The following ARFGAP1 variants were observed in gnomAD, a reference collection of about 807,000 sequenced individuals.
The protein encoded by ARFGAP1 is ADP-ribosylation factor GTPase-activating protein 1.
A neutral mutation model predicts 54.0 loss-of-function variants in ARFGAP1; 26 were observed. That is an observed-to-expected ratio of 0.48 (90% CI 0.35 to 0.67). The LOEUF (loss-of-function observed/expected upper bound fraction) is 0.67. Among genes scored for constraint, ARFGAP1 ranks in the 30% least tolerant of loss-of-function variants. The pLI is 0.00. For synonymous variants in ARFGAP1, 248 were observed against 211.9 expected, an observed-to-expected ratio of 1.17 and a Z score of -1.48; for missense variants, 525 against 535.8, an observed-to-expected ratio of 0.98 and a Z score of 0.20.
intron 7 of ARFGAP1, among the ~76,000 whole-genome samples, chr20:63,280,702 T>G (rs2067357848): frequency 6.6e-6 from 1 of 152,236 alleles, no homozygotes; most frequent in Non-Finnish European, 1.5e-5. Flanking sequence ...TTCATTTTTG[T>G]GGCCCTTCCT....
Position 63,275,600 on chromosome 20 carries a change from G to A in ARFGAP1, c.20G>A (p.Arg7Lys). 6.2e-7 allele frequency: 1 copy of A among 1,613,920 alleles called. No homozygotes were observed. The highest frequency in any genetic ancestry group is 8.5e-7 in the Non-Finnish European group (1 of 1,180,006). Residue 7 changes from arginine to lysine, a missense_variant, in exon 2 of 13, where the codon AGG becomes AAG. Arg to Lys is a conservative substitution (Grantham distance 26, BLOSUM62 2). This residue lies in a region of ARFGAP1 where 39 missense variants were observed against 40.4 expected (regional missense o/e 0.97). Transcript: ENST00000370283. ...AGCATCATGGCCAGCCCAAGAACCA[G>A]GAAGGTTCTTAAAGAAGTCAGGGTG... is the stretch of plus-strand genomic sequence containing the variant. MASPRTRKVLKEVRVQD... is the reference protein window; with the variant it reads MASPRTKKVLKEVRVQD...
In ARFGAP1 at chr20:63,276,835, C is replaced by A; in HGVS notation, c.342+184C>A. 1 of 654,530 alleles carries A rather than the reference C, an allele frequency of 1.5e-6. No homozygotes were observed. The allele number at this position is 654,530 out of a possible 1,614,324, so 40.5% of individuals were successfully genotyped here. A position where few individuals can be genotyped will look rare whatever the true frequency, so the allele number is the denominator to read the frequency against. ...TCCTGCCCAGAGGGGAGGCAAATGG[C>A]TTGCGGGGGGAGACAGACCTTCCCC... On this transcript the variant is annotated intron_variant, in intron 4 of 12. Coordinates refer to ENST00000370283, the MANE Select transcript of ARFGAP1 (RefSeq NM_018209.4). The surrounding 1 kb of genome is among the most constrained non-coding windows in gnomAD (Gnocchi z 5.2).
intron 9 of ARFGAP1, chr20:63,284,128 C>T (rs774100202): frequency 1.2e-4 from 167 of 1,350,018 alleles, no homozygotes; most frequent in Non-Finnish European, 1.5e-4. Flanking sequence ...ATGAGACCCC[C>T]ATCTCCAAAA....
Position 63,278,026 on chromosome 20 carries a change from C to T in ARFGAP1, c.444-91C>T, listed in dbSNP as rs560695261. The T allele has an allele frequency of 7.5e-6, 9 of 1,198,372 alleles. No individual in the cohort carries two copies. The South Asian group carries it at 9.8e-5, about 13-fold the overall frequency. The allele number at this position is 1,198,372 out of a possible 1,614,324, so 74.2% of individuals were successfully genotyped here. The stretch of plus-strand genomic sequence containing the variant: ...TCAGGGGTGACGTGAAGGCACTGCC[C>T]ACGTAGGCCACATGGTTCTGGGGGT... On this transcript the variant is annotated intron_variant, in intron 5 of 12. Coordinates refer to ENST00000370283, the MANE Select transcript of ARFGAP1 (RefSeq NM_018209.4).
chr20:63,283,211 GC>G, intron 9 of ARFGAP1: 2 of 381,288 alleles, frequency 5.2e-6, no homozygotes, highest in Admixed American at 4.2e-5. Flanking sequence ...TTGGTGCTGT[GC>G]CTGCGGCACA....
At chr20:63,277,135 G>A (rs2123223836) in intron 4 of ARFGAP1, 70 bp from the exon 5 acceptor site, 1 of 1,387,096 alleles carries the variant, frequency 7.2e-7, no homozygotes, top group East Asian at 2.4e-5. Context: ...GGGGTGCGCT[G>A]GAGTCGACGG....
chr20:63,281,185 C>T, intron 7 of ARFGAP1, 106 bp from the exon 8 acceptor site: 1 of 1,262,216 alleles, frequency 7.9e-7, no homozygotes, highest in Non-Finnish European at 1.1e-6. Flanking sequence ...GGACGGGGGC[C>T]TGGGGCAGCC....
At chr20:63,283,813 T>G (rs369920493) in intron 9 of ARFGAP1, 26 of 1,611,962 alleles carry the variant, frequency 1.6e-5, no homozygotes, top group Non-Finnish European at 2.2e-5. Context: ...CCCCTCACCT[T>G]GCTCTCTCCT....
Position 63,276,409 on chromosome 20 carries a change from A to G in ARFGAP1, c.171-71A>G. The G allele has an allele frequency of 6.4e-7, 1 of 1,552,062 alleles. No homozygotes were observed. The highest frequency in any genetic ancestry group is 1.4e-5 in the African/African-American group (1 of 73,596). On this transcript the variant is annotated intron_variant, in intron 3 of 12. Transcript: ENST00000370283. The surrounding 1 kb of genome is among the most constrained non-coding windows in gnomAD (Gnocchi z 5.2). ...CTGCTTGCTGTGTCTAATTCTCAGG[A>G]CGATGCTGGGTGGAGGGTGTCCCTG... is the stretch of plus-strand genomic sequence containing the variant.
At position 63,283,831 on chromosome 20, in the gene ARFGAP1, C is replaced by G. The variant is rs374062449; in HGVS notation, c.717+980C>G. ...CTCACCTTGCTCTCTCCTCACCTGT[C>G]TTCTTGCTGTCGGGTAAAGTTTTGG... On this transcript the variant is annotated intron_variant, in intron 9 of 12. Transcript: ENST00000370283. 25 of 1,613,528 alleles carry G rather than the reference C, an allele frequency of 1.5e-5. No individual in the cohort carries two copies. The African/African-American group carries it at 3.1e-4, about 20-fold the overall frequency.
chr20:63,284,847 G>A lies in ARFGAP1; in HGVS notation c.718-19G>A, dbSNP rs552463853. The A allele has an allele frequency of 8.0e-5, 129 of 1,612,074 alleles. No individual in the cohort carries two copies. The East Asian group carries it at 9.4e-4, about 12-fold the overall frequency. On this transcript the variant is annotated intron_variant, in intron 9 of 12. Coordinates refer to ENST00000370283, the MANE Select transcript of ARFGAP1 (RefSeq NM_018209.4). ...GTGGTGGAGCTGTCGTGGGGCTCAC[G>A]TGACTTCCCTTCCTACAGGCGTCCG...
Position 63,288,640 on chromosome 20 carries a change from G to A in ARFGAP1, c.*767G>A, listed in dbSNP as rs1198107504. ...CCTCGGCCCTGATGCAGGAGGGTGC[G>A]ATAGCGGACGTGGCCAGGCAGGAGG... is the stretch of plus-strand genomic sequence containing the variant. On this transcript the variant is annotated 3_prime_UTR_variant, in exon 13 of 13. Coordinates refer to ENST00000370283, the MANE Select transcript of ARFGAP1 (RefSeq NM_018209.4). 5 of 396,834 alleles carry A rather than the reference G, an allele frequency of 1.3e-5. No individual in the cohort carries two copies. Among genetic ancestry groups the A allele is most frequent in the East Asian group, 1.5e-4 (2 of 13,770 alleles). The allele number at this position is 396,834 out of a possible 1,614,324, so 24.6% of individuals were successfully genotyped here. A position where few individuals can be genotyped will look rare whatever the true frequency, so the allele number is the denominator to read the frequency against.
rs376296883 is a variant in ARFGAP1, at chr20:63,277,671, G to A, written c.443+366G>A. On this transcript the variant is annotated intron_variant, in intron 5 of 12. Coordinates refer to ENST00000370283, the MANE Select transcript of ARFGAP1 (RefSeq NM_018209.4). ...GCCCTGGCACCCTTGAACTGACCCC[G>A]TCATGGATGCGTCCCACATCCCACT... 1.7e-4 allele frequency among the ~76,000 whole-genome samples: 26 copies of A among 152,240 alleles called. 1 individual carries two copies. In the South Asian group the frequency reaches 4.2e-3, roughly 24 times the overall value.
chr20:63,287,944 C>T lies in ARFGAP1; in HGVS notation c.*71C>T. 2 of 1,420,834 alleles carry T rather than the reference C, an allele frequency of 1.4e-6. No individual in the cohort carries two copies. The highest frequency in any genetic ancestry group is 1.4e-5 in the South Asian group (1 of 70,790). 88.0% of individuals were successfully genotyped at this position (1,420,834 alleles called of 1,614,324 possible). A position where few individuals can be genotyped will look rare whatever the true frequency, so the allele number is the denominator to read the frequency against. On this transcript the variant is annotated 3_prime_UTR_variant, in exon 13 of 13. Coordinates refer to ENST00000370283, the MANE Select transcript of ARFGAP1 (RefSeq NM_018209.4). ...TTGCACTCTGCCCTCGTCGTTCCTC[C>T]TCCTTCCATTTGACCCAAGAATCAG...
intron 9 of ARFGAP1, chr20:63,284,200 G>T: frequency 7.8e-7 from 1 of 1,277,564 alleles, no homozygotes; most frequent in East Asian, 3.4e-5. Flanking sequence ...CGGGGGCACT[G>T]GGCGCAGAGC....
intron 6 of ARFGAP1, chr20:63,278,538 A>G (rs1421211886): frequency 4.4e-6 from 2 of 458,100 alleles, no homozygotes. Flanking sequence ...TTGGGTGTAG[A>G]GAAGCGCTAA....
intron 9 of ARFGAP1, chr20:63,283,194 G>T (rs1407031618): frequency 4.7e-6 from 2 of 423,208 alleles, no homozygotes; most frequent in Admixed American, 3.9e-5. Context: ...CAGAAGGGCC[G>T]CTGTGGTTGG....
rs1045685045 is a variant in ARFGAP1 at position 63,276,062 on chromosome 20, C to T, written c.61-29C>T. The T allele has an allele frequency of 1.2e-6, 2 of 1,602,828 alleles. No individual in the cohort carries two copies. Among genetic ancestry groups the T allele is most frequent in the African/African-American group, 2.7e-5 (2 of 74,716 alleles). ...GTCCCTGGGCTCTGCCCTGAGCCAC[C>T]TGGTGAGTCACTTGTGGCCCCTTTG... On this transcript the variant is annotated intron_variant, in intron 2 of 12. Coordinates refer to ENST00000370283, the MANE Select transcript of ARFGAP1 (RefSeq NM_018209.4). This position sits in a 1 kb window ranked among gnomAD's most constrained non-coding sequence, Gnocchi z 5.2.
Position 63,276,001 on chromosome 20 carries a change from C to T in ARFGAP1, c.61-90C>T, listed in dbSNP as rs117256461. ...CCCGGCCACCCTGGGCAGCCCTCTG[C>T]ATTCGCTCCTTGAGGCCACCTGTCG... On this transcript the variant is annotated intron_variant, in intron 2 of 12. Coordinates refer to ENST00000370283, the MANE Select transcript of ARFGAP1 (RefSeq NM_018209.4). This position sits in a 1 kb window ranked among gnomAD's most constrained non-coding sequence, Gnocchi z 5.2. 2.3e-4 allele frequency: 272 copies of T among 1,207,920 alleles called. 4 individuals are homozygous for T. In the East Asian group the frequency reaches 3.1e-3, roughly 14 times the overall value. The allele number at this position is 1,207,920 out of a possible 1,614,324, so 74.8% of individuals were successfully genotyped here. A position where few individuals can be genotyped will look rare whatever the true frequency, so the allele number is the denominator to read the frequency against.
Sources: gnomAD v4.1 joint callset for allele counts (sites outside exome capture counted in the v4.1 genomes callset) on GRCh38, gnomAD v4.1.1 for gene constraint, gnomAD v4.1.1 regional missense constraint, Gnocchi (gnomAD v3.1) non-coding constraint, MANE v1.5 for transcripts, NCBI Gene and HGNC (gene_info 2026-07-23, HGNC 2026-07-21) for gene names.